RTL4: variants seen among roughly 807,000 people sequenced by gnomAD.
RTL4 encodes the protein retrotransposon Gag-like protein 4.
A neutral mutation model predicts 5.3 loss-of-function variants in RTL4; 4 were observed. The ratio of observed to expected loss-of-function variants is 0.75; its 90% CI spans 0.37 to 1.72. RTL4 has a LOEUF of 1.72. RTL4 is among the 40% of genes most tolerant of loss of function. RTL4 has a pLI of 0.04. For synonymous variants in RTL4, 98 were observed against 87.3 expected (o/e 1.12, Z -0.68); for missense variants, 260 against 227.1 (o/e 1.14, Z -0.93).
At chrX:112,322,918 ATAAT>A in the RTL4 span, among the ~76,000 whole-genome samples, 2 of 111,987 alleles carry the variant, frequency 1.8e-5, no homozygotes, top group East Asian at 5.6e-4. Context: ...TAGATGTACT[ATAAT>A]TTATTCAGCC....
chrX:112,322,885 T>C, the RTL4 span, among the ~76,000 whole-genome samples: 1 of 112,068 alleles, frequency 8.9e-6, no homozygotes, highest in African/African-American at 3.2e-5. Flanking sequence ...TTAGTTTTAA[T>C]TGCTGTCTAA....
the RTL4 span, among the ~76,000 whole-genome samples, chrX:112,268,934 C>G: frequency 8.9e-6 from 1 of 112,204 alleles, no homozygotes; most frequent in Non-Finnish European, 1.9e-5. Flanking sequence ...AAGCTCCAAA[C>G]TCTGGCCTTA....
At chrX:112,384,361 A>G in the RTL4 span, among the ~76,000 whole-genome samples, 2 of 111,956 alleles carry the variant, frequency 1.8e-5, no homozygotes, top group Admixed American at 9.5e-5. Context: ...TAAGTGTTTA[A>G]TCCATCTTGA....
At chrX:112,208,027 C>A in the RTL4 span, among the ~76,000 whole-genome samples, 2 of 111,673 alleles carry the variant, frequency 1.8e-5, no homozygotes, top group Non-Finnish European at 3.8e-5. Flanking sequence ...TAGACCAGGG[C>A]ATTGTTCAAT....
the RTL4 span, among the ~76,000 whole-genome samples, chrX:112,095,252 G>T: frequency 8.1e-5 from 9 of 111,424 alleles, no homozygotes; most frequent in Non-Finnish European, 1.3e-4. Context: ...TTTCTGTATA[G>T]TAGTAGGAGA....
chrX:112,365,498 A>G, the RTL4 span, among the ~76,000 whole-genome samples: 1,675 of 111,534 alleles, frequency 0.015, 37 homozygotes, highest in African/African-American at 0.052. Context: ...TGTAAGGGTC[A>G]TAGACACAGG....
the RTL4 span, among the ~76,000 whole-genome samples, chrX:112,224,160 T>C: frequency 9.0e-6 from 1 of 111,087 alleles, no homozygotes; most frequent in Non-Finnish European, 1.9e-5. Context: ...TCAGAAGCAG[T>C]CAGTGTGACT....
the RTL4 span, among the ~76,000 whole-genome samples, chrX:112,350,984 C>G: frequency 9.0e-6 from 1 of 111,287 alleles, no homozygotes; most frequent in Non-Finnish European, 1.9e-5. Context: ...GATCTTTCCT[C>G]CTTTCTCCTG....
the RTL4 span, among the ~76,000 whole-genome samples, chrX:112,311,288 A>C: frequency 9.0e-6 from 1 of 110,688 alleles, no homozygotes. Flanking sequence ...CCAATTTCAC[A>C]GTTTGTTGGG....
the RTL4 span, among the ~76,000 whole-genome samples, chrX:112,402,963 A>G: frequency 2.7e-5 from 3 of 111,724 alleles, no homozygotes; most frequent in Admixed American, 9.5e-5. Context: ...ACAGAAGCGA[A>G]CGTCTTGAAT....
the RTL4 span, among the ~76,000 whole-genome samples, chrX:112,304,307 C>T: frequency 8.1e-5 from 9 of 110,438 alleles, no homozygotes; most frequent in South Asian, 7.8e-4. Context: ...TGTGTGTGTG[C>T]GTGTGTGTTT....
chrX:112,367,249 A>G, the RTL4 span, among the ~76,000 whole-genome samples: 3 of 111,603 alleles, frequency 2.7e-5, no homozygotes, highest in Admixed American at 9.6e-5. Flanking sequence ...CCCCACTCCT[A>G]TTGCTAGGTT....
At chrX:112,230,546 C>T in the RTL4 span, among the ~76,000 whole-genome samples, 1 of 112,319 alleles carries the variant, frequency 8.9e-6, no homozygotes. Context: ...TGGCACTCCC[C>T]AGTGAGATGA....
chrX:112,099,367 C>T, the RTL4 span, among the ~76,000 whole-genome samples: 1 of 111,305 alleles, frequency 9.0e-6, no homozygotes, highest in Non-Finnish European at 1.9e-5. Flanking sequence ...GAGAGAATGA[C>T]TAATTTCTAA....
chrX:112,403,516 C>T, the RTL4 span, among the ~76,000 whole-genome samples: 21,916 of 110,768 alleles, frequency 0.2, 3,121 homozygotes, highest in African/African-American at 0.5. Flanking sequence ...CCACTTAACC[C>T]CTGTGCTTTA....
chrX:112,225,356 T>A, the RTL4 span, among the ~76,000 whole-genome samples: 2 of 112,178 alleles, frequency 1.8e-5, no homozygotes, highest in African/African-American at 3.2e-5. Context: ...CCTGCCTAAA[T>A]GGTAAGCTCT....
the RTL4 span, among the ~76,000 whole-genome samples, chrX:112,189,860 G>A: frequency 9.0e-6 from 1 of 111,662 alleles, no homozygotes; most frequent in Admixed American, 9.5e-5. Context: ...AAACCTCAGT[G>A]GGTCATCACT....
At chrX:112,434,379 G>A in the RTL4 span, among the ~76,000 whole-genome samples, 1 of 110,916 alleles carries the variant, frequency 9.0e-6, no homozygotes. Flanking sequence ...CATTTTGGTT[G>A]GTAAGCTATT....
At chrX:112,210,743 G>A in the RTL4 span, among the ~76,000 whole-genome samples, 4 of 111,701 alleles carry the variant, frequency 3.6e-5, no homozygotes, top group East Asian at 8.4e-4. Flanking sequence ...AGGGCATCCC[G>A]TCCAAGGGAA....
Sources: gnomAD v4.1 joint callset for allele counts (sites outside exome capture counted in the v4.1 genomes callset) on GRCh38, gnomAD v4.1.1 for gene constraint, MANE v1.5 for transcripts, NCBI Gene and HGNC (gene_info 2026-07-23, HGNC 2026-07-21) for gene names.